FLI1: variants seen among roughly 807,000 people sequenced by gnomAD.
FLI1 encodes Fli-1 proto-oncogene, ETS transcription factor, also known as Friend leukemia integration 1 transcription factor.
FLI1 carries 13 observed loss-of-function variants against 53.1 expected under a neutral mutation model. The ratio of observed to expected loss-of-function variants is 0.24; its 90% CI spans 0.16 to 0.39. The LOEUF (loss-of-function observed/expected upper bound fraction) is 0.39, where lower values mean the gene tolerates loss of function less well. FLI1 is among the 10% of genes least tolerant of loss of function. The pLI is 1.00. For synonymous variants in FLI1, 244 were observed against 236.7 expected, an observed-to-expected ratio of 1.03 and a Z score of -0.28; for missense variants, 424 against 600.5, an observed-to-expected ratio of 0.71 and a Z score of 3.07.
intron 1 of FLI1, among the ~76,000 whole-genome samples, chr11:128,740,448 C>T (rs1940086094): frequency 6.6e-6 from 1 of 152,240 alleles, no homozygotes; most frequent in African/African-American, 2.4e-5. Context: ...GAACGAGACC[C>T]CATAAATATG....
chr11:128,794,262 G>A (rs992446488), intron 5 of FLI1, among the ~76,000 whole-genome samples: 2 of 152,122 alleles, frequency 1.3e-5, no homozygotes, highest in African/African-American at 2.4e-5. Flanking sequence ...AAAATACTTT[G>A]GGAAAAAAAA....
intron 1 of FLI1, among the ~76,000 whole-genome samples, chr11:128,698,119 T>C (rs1186197998): frequency 6.6e-6 from 1 of 152,168 alleles, no homozygotes; most frequent in East Asian, 1.9e-4. Context: ...TGGCTGGCTC[T>C]GCAAGGCTCT....
At chr11:128,747,707 G>A (rs1940460714) in intron 1 of FLI1, among the ~76,000 whole-genome samples, 3 of 152,202 alleles carry the variant, frequency 2.0e-5, no homozygotes, top group African/African-American at 7.2e-5. Context: ...GTCCCGGACG[G>A]TCAAGTGTGA....
intron 1 of FLI1, among the ~76,000 whole-genome samples, chr11:128,697,420 G>A (rs1179120218): frequency 6.6e-6 from 1 of 152,172 alleles, no homozygotes; most frequent in Non-Finnish European, 1.5e-5. Flanking sequence ...CTTATAGCAA[G>A]GCACTTCTTG....
intron 5 of FLI1, among the ~76,000 whole-genome samples, chr11:128,792,853 A>G (rs1030315564): frequency 6.6e-6 from 1 of 152,192 alleles, no homozygotes; most frequent in African/African-American, 2.4e-5. Flanking sequence ...ACAGTGGCTC[A>G]CACCTGTAAT....
At chr11:128,709,044 G>T (rs1172498158) in intron 1 of FLI1, among the ~76,000 whole-genome samples, 1 of 152,236 alleles carries the variant, frequency 6.6e-6, no homozygotes, top group African/African-American at 2.4e-5. Flanking sequence ...GTGGCAGAAT[G>T]ATTTTGTGAA....
chr11:128,769,524 G>C (rs989263319), intron 3 of FLI1, among the ~76,000 whole-genome samples: 1 of 152,124 alleles, frequency 6.6e-6, no homozygotes, highest in African/African-American at 2.4e-5. Flanking sequence ...GTTTTCCCTG[G>C]GAAGCTGCAT....
Position 128,772,812 on chromosome 11 carries a change from G to A in FLI1, c.416G>A (p.Arg139Lys), listed in dbSNP as rs759858907. ...ACACTGTGGACACAGGAGCATGTGA[G>A]GCAATGGCTGGAGTGGGCCATAAAG... ...DPTLWTQEHVRQWLEWAIKEY... is the reference protein window; with the variant it reads ...DPTLWTQEHVKQWLEWAIKEY... The change falls in exon 4 of 9, where the codon AGG becomes AAG. Residue 139 changes from arginine to lysine, a missense_variant. By Grantham distance (26) the Arg-to-Lys change is conservative. Coordinates refer to ENST00000527786, the MANE Select transcript of FLI1 (RefSeq NM_002017.5). The A allele has an allele frequency of 1.2e-6, 2 of 1,614,078 alleles. No homozygotes were observed. The highest frequency in any genetic ancestry group is 4.5e-5 in the East Asian group (2 of 44,892).
At chr11:128,773,800 T>A (rs1324731006) in intron 4 of FLI1, among the ~76,000 whole-genome samples, 1 of 151,378 alleles carries the variant, frequency 6.6e-6, no homozygotes, top group East Asian at 1.9e-4. Context: ...TACCCCTAAG[T>A]ATGGAAGGAT....
At chr11:128,713,337 C>G (rs905227837) in intron 1 of FLI1, among the ~76,000 whole-genome samples, 4 of 152,150 alleles carry the variant, frequency 2.6e-5, no homozygotes, top group African/African-American at 9.7e-5. Context: ...TCAGAAAAAT[C>G]CTTCTTCAGT....
At chr11:128,726,555 C>T (rs1939492091) in intron 1 of FLI1, among the ~76,000 whole-genome samples, 1 of 150,492 alleles carries the variant, frequency 6.6e-6, no homozygotes, top group African/African-American at 2.5e-5. Flanking sequence ...CCCCCACCCC[C>T]GCCTAAGCTC....
At chr11:128,719,270 A>G (rs1939149943) in intron 1 of FLI1, among the ~76,000 whole-genome samples, 1 of 132,426 alleles carries the variant, frequency 7.6e-6, no homozygotes, top group East Asian at 2.2e-4. Flanking sequence ...TTTCCTCATC[A>G]GTTAGATTAA....
intron 1 of FLI1, among the ~76,000 whole-genome samples, chr11:128,712,777 G>A (rs1191717916): frequency 2.0e-5 from 3 of 152,088 alleles, no homozygotes; most frequent in Non-Finnish European, 4.4e-5. Flanking sequence ...GCTTTGGGTG[G>A]GGACACAGAG....
intron 2 of FLI1, among the ~76,000 whole-genome samples, chr11:128,759,868 G>T (rs1033896321): frequency 6.6e-6 from 1 of 152,174 alleles, no homozygotes; most frequent in Non-Finnish European, 1.5e-5. Flanking sequence ...AGTGGATGAG[G>T]TCACCGAGGA....
chr11:128,799,820 G>A (rs1460602774), intron 5 of FLI1, among the ~76,000 whole-genome samples: 1 of 152,198 alleles, frequency 6.6e-6, no homozygotes, highest in African/African-American at 2.4e-5. Context: ...AACGCTTAGA[G>A]GAGAGCAGCT....
intron 2 of FLI1, among the ~76,000 whole-genome samples, chr11:128,760,414 C>T (rs2510122): frequency 0.8 from 121,585 of 151,872 alleles, 49,438 homozygotes; most frequent in East Asian, 0.95. Flanking sequence ...TTCCTGCCAA[C>T]GCCCACCTGG....
intron 1 of FLI1, among the ~76,000 whole-genome samples, chr11:128,730,454 T>A (rs1939650151): frequency 1.3e-5 from 2 of 152,338 alleles, no homozygotes; most frequent in South Asian, 4.1e-4. Context: ...TCAGGCTCAG[T>A]ATCAAGAACA....
chr11:128,738,485 GC>G (rs765625923), intron 1 of FLI1, among the ~76,000 whole-genome samples: 5 of 152,154 alleles, frequency 3.3e-5, no homozygotes, highest in Non-Finnish European at 7.3e-5. Flanking sequence ...CAAGTTCAAG[GC>G]CCCTTTGATT....
At chr11:128,805,481 A>G in intron 6 of FLI1, 50 bp downstream of exon 6, 2 of 1,162,396 alleles carry the variant, frequency 1.7e-6, no homozygotes, top group South Asian at 2.7e-5. Context: ...TTCTGAGGAC[A>G]GGATTGGAGA....
Sources: allele counts gnomAD v4.1 joint callset (sites outside exome capture counted in the v4.1 genomes callset), GRCh38; gene constraint gnomAD v4.1.1; transcripts MANE v1.5; gene names NCBI Gene and HGNC (gene_info 2026-07-23, HGNC 2026-07-21).